Variants in RASA3 observed in about 807,000 individuals in gnomAD.
RASA3 encodes the protein ras GTPase-activating protein 3.
A neutral mutation model predicts 110.0 loss-of-function variants in RASA3; 73 were observed. The observed-to-expected ratio is 0.66, with a 90% confidence interval of 0.55 to 0.81. The LOEUF (loss-of-function observed/expected upper bound fraction) is 0.81, where lower values mean the gene tolerates loss of function less well. Among genes scored for constraint, RASA3 ranks in the 30% least tolerant of loss-of-function variants. The pLI is 0.00. For missense variants in RASA3, 976 were observed against 1,113.2 expected (o/e 0.88, Z 1.75); for synonymous variants, 500 against 451.4 (o/e 1.11, Z -1.37).
intron 7 of RASA3, among the ~76,000 whole-genome samples, chr13:114,025,925 A>G (rs546775875): frequency 6.6e-6 from 1 of 152,322 alleles, no homozygotes; most frequent in South Asian, 2.1e-4. Flanking sequence ...TCCTGGTGAA[A>G]GAGGTCTGCT....
intron 1 of RASA3, among the ~76,000 whole-genome samples, chr13:114,117,517 G>T (rs1189837932): frequency 6.8e-6 from 1 of 146,234 alleles, no homozygotes; most frequent in Non-Finnish European, 1.5e-5. Flanking sequence ...CTGTGGGTGA[G>T]CATGTGCGTG....
At chr13:114,100,005 T>C (rs2080034030) in intron 1 of RASA3, among the ~76,000 whole-genome samples, 1 of 127,230 alleles carries the variant, frequency 7.9e-6, no homozygotes, top group Non-Finnish European at 1.7e-5. Flanking sequence ...TTAACTCTAA[T>C]GCTGTTTAAA....
At position 114,014,614 on chromosome 13, in the gene RASA3, C is replaced by T. The variant is rs576202686; in HGVS notation, c.1405+595G>A. 1.3e-5 allele frequency among the ~76,000 whole-genome samples: 2 copies of T among 152,210 alleles called. No individual in the cohort carries two copies. Among genetic ancestry groups the T allele is most frequent in the African/African-American group, 2.4e-5 (1 of 41,542 alleles). On this transcript the variant is annotated intron_variant, in intron 14 of 23. Transcript: ENST00000334062. The surrounding 1 kb of genome is among the most constrained non-coding windows in gnomAD (Gnocchi z 4.5). ...CGCAGGTGATGGGTGGGTGCAGGCA[C>T]CCAGCTCCTCCCTGAGGGTCGGCAA...
chr13:114,126,713 G>C (rs1174337659), intron 1 of RASA3, among the ~76,000 whole-genome samples: 1 of 152,220 alleles, frequency 6.6e-6, no homozygotes, highest in Non-Finnish European at 1.5e-5. Flanking sequence ...AATTCTGCTA[G>C]AATAATACCT....
chr13:114,102,745 C>T (rs2080076291), intron 1 of RASA3, among the ~76,000 whole-genome samples: 1 of 152,186 alleles, frequency 6.6e-6, no homozygotes, highest in Non-Finnish European at 1.5e-5. Flanking sequence ...GCGACGCTCC[C>T]GACTAAACCA....
In RASA3 at chr13:113,992,569, G is replaced by A. The variant is rs1172594552; in HGVS notation, c.2161C>T (p.Gln721Ter). 3.1e-6 allele frequency: 5 copies of A among 1,613,144 alleles called. No individual in the cohort carries two copies. The Admixed American group carries it at 8.3e-5, about 27-fold the overall frequency. Residue 721 changes from glutamine (Q) to a stop codon, truncating the protein, a stop_gained, in exon 22 of 24, where the codon CAG becomes TAG. Coordinates refer to ENST00000334062, the MANE Select transcript of RASA3 (RefSeq NM_007368.4). LOFTEE classifies it high-confidence loss of function. ...TCACGGTCCCCATCAATGTCCAGCT[G>A]GATGTTGGCTGGGAGGCCGCTGTCC... Reference protein sequence around the residue: ...PCTGGLPANIQLDIDGDRETE... With the variant: ...PCTGGLPANI
intron 1 of RASA3, among the ~76,000 whole-genome samples, chr13:114,081,255 C>T (rs997831492): frequency 1.3e-5 from 2 of 152,222 alleles, no homozygotes; most frequent in Non-Finnish European, 2.9e-5. Flanking sequence ...CTCACGCGTC[C>T]CGAGACCCAA....
At chr13:114,094,580 T>G (rs979579072) in intron 1 of RASA3, among the ~76,000 whole-genome samples, 32 of 152,340 alleles carry the variant, frequency 2.1e-4, no homozygotes, top group Non-Finnish European at 3.1e-4. Flanking sequence ...CTTAAAATGC[T>G]GAATTTCATG....
chr13:113,979,012 C>G lies in RASA3; in HGVS notation c.*335G>C, dbSNP rs957959791. ...GAGGTGCATGTCACAGTCGACTAGA[C>G]GGGCCGTGGCTCCCTGAGGCTGGCT... On this transcript the variant is annotated 3_prime_UTR_variant, in exon 24 of 24. Coordinates refer to ENST00000334062, the MANE Select transcript of RASA3 (RefSeq NM_007368.4). 1.4e-5 allele frequency: 5 copies of G among 353,798 alleles called. No homozygotes were observed. Among genetic ancestry groups the G allele is most frequent in the South Asian group, 1.3e-4 (4 of 30,060 alleles). The allele number at this position is 353,798 out of a possible 1,614,324, so 21.9% of individuals were successfully genotyped here.
chr13:114,039,157 T>C (rs1466158489), intron 4 of RASA3, among the ~76,000 whole-genome samples: 1 of 152,170 alleles, frequency 6.6e-6, no homozygotes, highest in African/African-American at 2.4e-5. Context: ...ACACACACTG[T>C]GGTACCAGCT....
intron 4 of RASA3, among the ~76,000 whole-genome samples, chr13:114,039,069 C>T (rs1281432334): frequency 1.3e-5 from 2 of 152,246 alleles, no homozygotes; most frequent in African/African-American, 4.8e-5. Context: ...AAACTGAGGC[C>T]TGCAAAGGAC....
At chr13:114,058,606 C>A (rs2079286199) in intron 2 of RASA3, among the ~76,000 whole-genome samples, 1 of 152,268 alleles carries the variant, frequency 6.6e-6, no homozygotes, top group African/African-American at 2.4e-5. Flanking sequence ...CAGAGCAATG[C>A]CACTGATGCC....
In RASA3 at chr13:114,065,519, C is replaced by T. The variant is rs572972307; in HGVS notation, c.173+8201G>A. Among the ~76,000 whole-genome samples, 7 of 152,250 alleles carry T rather than the reference C, an allele frequency of 4.6e-5. No homozygotes were observed. The highest frequency in any genetic ancestry group is 3.9e-4 in the East Asian group (2 of 5,176). On this transcript the variant is annotated intron_variant, in intron 2 of 23. Coordinates refer to ENST00000334062, the MANE Select transcript of RASA3 (RefSeq NM_007368.4). The surrounding 1 kb of genome is among the most constrained non-coding windows in gnomAD (Gnocchi z 4.1). ...TCACTGCCTGACTCATCCTCAGAGG[C>T]GCCCCACAGAGAAGGGGCAACTTGG...
intron 4 of RASA3, among the ~76,000 whole-genome samples, chr13:114,039,818 G>A (rs1014320985): frequency 6.6e-6 from 1 of 152,248 alleles, no homozygotes; most frequent in African/African-American, 2.4e-5. Context: ...TCTTGCGTGG[G>A]GAGGTGGGAC....
chr13:113,979,859 G>C (rs574016140), intron 23 of RASA3, among the ~76,000 whole-genome samples: 7 of 152,122 alleles, frequency 4.6e-5, no homozygotes, highest in African/African-American at 1.7e-4. Flanking sequence ...CATACCATGT[G>C]TGTGCACCTC....
intron 4 of RASA3, among the ~76,000 whole-genome samples, chr13:114,036,810 T>TACAA (rs1193490314): frequency 2.6e-5 from 4 of 152,148 alleles, no homozygotes; most frequent in African/African-American, 9.7e-5. Flanking sequence ...GTGCTGGAAT[T>TACAA]ACAAGCATGA....
intron 17 of RASA3, 98 bp from the exon 18 acceptor site, chr13:114,007,704 G>A: frequency 2.0e-6 from 2 of 986,968 alleles, no homozygotes; most frequent in African/African-American, 1.6e-5. Context: ...TGCCTCCTTT[G>A]TAATACCAGT....
chr13:114,018,184 C>A lies in RASA3; in HGVS notation c.1011G>T (p.Pro337=). 6.4e-7 allele frequency: 1 copy of A among 1,552,220 alleles called. No individual in the cohort carries two copies. Among genetic ancestry groups the A allele is most frequent in the East Asian group, 2.4e-5 (1 of 40,984 alleles). The change falls in exon 11 of 24, where the codon CCG becomes CCT. Residue 337 remains proline (P), a synonymous_variant. Transcript: ENST00000334062. The part of the protein sequence containing the change: ...VCREKQEAAV[P]LVRLFLHYGR... ...CATAGTGTAGGAAGAGCCGCACCAG[C>A]GGGACGGCCGCCTCCTGCTTCTCCC...
At chr13:114,022,974 C>T (rs998397023) in intron 8 of RASA3, among the ~76,000 whole-genome samples, 2 of 152,152 alleles carry the variant, frequency 1.3e-5, no homozygotes, top group Admixed American at 6.5e-5. Context: ...ACGTCAGGGA[C>T]ATTCTATGGT....
Sources: gnomAD v4.1 joint callset for allele counts (sites outside exome capture counted in the v4.1 genomes callset) on GRCh38, gnomAD v4.1.1 for gene constraint, Gnocchi (gnomAD v3.1) non-coding constraint, MANE v1.5 for transcripts, NCBI Gene and HGNC (gene_info 2026-07-23, HGNC 2026-07-21) for gene names.